The following MGST2 variants were observed in gnomAD, a reference collection of about 807,000 sequenced individuals.
The protein encoded by MGST2 is glutathione peroxidase MGST2.
A neutral mutation model predicts 16.6 loss-of-function variants in MGST2; 9 were observed. The ratio of observed to expected loss-of-function variants is 0.54; its 90% CI spans 0.33 to 0.95. The LOEUF is 0.95. Among genes scored for constraint, MGST2 ranks in the 40% least tolerant of loss-of-function variants. The probability of loss-of-function intolerance (pLI) is 0.03; values close to 1 mark genes in which losing one functional copy is unlikely to be tolerated. For missense variants in MGST2, 159 were observed against 175.1 expected, an observed-to-expected ratio of 0.91 and a Z score of 0.52; for synonymous variants, 79 against 68.0, an observed-to-expected ratio of 1.16 and a Z score of -0.79.
intron 3 of MGST2, among the ~76,000 whole-genome samples, chr4:139,702,844 G>GTTTTTTTTTTTTTTT (rs70943436): frequency 0.012 from 564 of 46,344 alleles, 37 homozygotes; most frequent in Non-Finnish European, 0.019. Flanking sequence ...TGTGTTACTG[G>GTTTTTTTTTTTTTTT]TTTTTTTTTT....
At chr4:139,710,814 C>A (rs1727709190) in intron 5 of MGST2, among the ~76,000 whole-genome samples, 1 of 152,100 alleles carries the variant, frequency 6.6e-6, no homozygotes, top group African/African-American at 2.4e-5. Flanking sequence ...CCTCTTAACC[C>A]AGTTTTGAAA....
intron 5 of MGST2, chr4:139,719,633 C>A: frequency 6.2e-7 from 1 of 1,612,296 alleles, no homozygotes; most frequent in Non-Finnish European, 8.5e-7. Flanking sequence ...GCCTTGCTGC[C>A]CCGGGAGCGA....
intron 5 of MGST2, among the ~76,000 whole-genome samples, chr4:139,738,531 C>T (rs538200562): frequency 4.6e-5 from 7 of 152,142 alleles, no homozygotes; most frequent in South Asian, 2.1e-4. Context: ...CACAATACAG[C>T]GACACTCTGT....
At chr4:139,683,269 T>C (rs949069266) in intron 2 of MGST2, among the ~76,000 whole-genome samples, 1 of 152,188 alleles carries the variant, frequency 6.6e-6, no homozygotes, top group Non-Finnish European at 1.5e-5. Flanking sequence ...GGATATATTT[T>C]GAGGGTAGAC....
At chr4:139,696,848 G>A (rs1726950045) in intron 3 of MGST2, among the ~76,000 whole-genome samples, 1 of 152,072 alleles carries the variant, frequency 6.6e-6, no homozygotes, top group Non-Finnish European at 1.5e-5. Context: ...CAACATTGAC[G>A]ATCATATCCA....
intron 1 of MGST2, among the ~76,000 whole-genome samples, chr4:139,674,239 G>C (rs571772603): frequency 6.6e-6 from 1 of 152,204 alleles, no homozygotes; most frequent in Non-Finnish European, 1.5e-5. Context: ...ATTCATTTAT[G>C]TCAGATGTAC....
At chr4:139,743,987 G>C (rs1729240418), downstream of MGST2, among the ~76,000 whole-genome samples, 1 of 152,192 alleles carries the variant, frequency 6.6e-6, no homozygotes, top group Non-Finnish European at 1.5e-5. Flanking sequence ...CATGGTCATT[G>C]TCACTAACAG....
Position 139,703,496 on chromosome 4 carries a change from C to A in MGST2, c.271C>A (p.His91Asn). ...GGGTCTGGTGTACATATATGGCCGTCACCTATACTTCTGGGGATATTCAGA... is the reference window on the plus strand; with the variant it reads ...GGGTCTGGTGTACATATATGGCCGTAACCTATACTTCTGGGGATATTCAGA... ...CLGLVYIYGR[H>N]LYFWGYSEAA... Residue 91 changes from histidine (H) to asparagine (N), a missense_variant, in exon 4 of 5, where the codon CAC (histidine) becomes AAC (asparagine). Physicochemically the swap from His to Asn is moderately conservative, Grantham distance 68. Transcript: ENST00000265498. 1 of 1,613,914 alleles carries A rather than the reference C, an allele frequency of 6.2e-7. No homozygotes were observed. The highest frequency in any genetic ancestry group is 8.5e-7 in the Non-Finnish European group (1 of 1,179,966).
chr4:139,748,075 AAG>A, the MGST2 span, among the ~76,000 whole-genome samples: 2 of 150,898 alleles, frequency 1.3e-5, no homozygotes, highest in Non-Finnish European at 1.5e-5. Context: ...AAAAAAAAAA[AAG>A]AATGCACATA....
chr4:139,688,008 C>T (rs568023970), intron 2 of MGST2, among the ~76,000 whole-genome samples: 3 of 152,212 alleles, frequency 2.0e-5, no homozygotes, highest in Non-Finnish European at 4.4e-5. Context: ...GCACCTTGAT[C>T]CCTTTAGAGT....
chr4:139,668,875 A>G (rs867071818), intron 1 of MGST2, among the ~76,000 whole-genome samples: 1 of 151,960 alleles, frequency 6.6e-6, no homozygotes, highest in African/African-American at 2.4e-5. Flanking sequence ...TTTGATAGGG[A>G]TATTTCTTCA....
intron 1 of MGST2, among the ~76,000 whole-genome samples, chr4:139,671,651 T>A (rs1016728873): frequency 6.6e-6 from 1 of 151,890 alleles, no homozygotes. Flanking sequence ...TTGTTCTTTT[T>A]GTTTTTTTGA....
At position 139,680,269 on chromosome 4, in the gene MGST2, G is replaced by A. The variant is rs144871724; in HGVS notation, c.158+1627G>A. On this transcript the variant is annotated intron_variant, in intron 2 of 4. Coordinates refer to ENST00000265498, the MANE Select transcript of MGST2 (RefSeq NM_002413.5). ...TTAAGAAAATAATGTTGAAAGCAGG[G>A]CCTTATAGTATACTGTGGTTACATT... Among the ~76,000 whole-genome samples, 289 of 152,200 alleles carry A rather than the reference G, an allele frequency of 1.9e-3. 1 individual carries two copies. Among genetic ancestry groups the A allele is most frequent in the African/African-American group, 6.6e-3 (274 of 41,504 alleles).
the MGST2 span, among the ~76,000 whole-genome samples, chr4:139,747,671 G>T: frequency 6.6e-6 from 1 of 151,762 alleles, no homozygotes; most frequent in South Asian, 2.1e-4. Flanking sequence ...TCCAGCCTGG[G>T]CAAGAGAGCA....
downstream of MGST2, among the ~76,000 whole-genome samples, chr4:139,741,161 C>A (rs1372676118): frequency 1.3e-5 from 2 of 152,096 alleles, no homozygotes; most frequent in African/African-American, 4.8e-5. Flanking sequence ...CAGGGAAAAA[C>A]AAGGAAGCAG....
chr4:139,739,377 ACATAGTTAC>A (rs1224133523), intron 5 of MGST2, among the ~76,000 whole-genome samples: 6 of 152,228 alleles, frequency 3.9e-5, no homozygotes, highest in Non-Finnish European at 2.9e-5. Flanking sequence ...AGTGCTTTGA[ACATAGTTAC>A]CATAAGTCCC....
intron 2 of MGST2, among the ~76,000 whole-genome samples, chr4:139,690,095 G>A (rs1215337002): frequency 5.9e-5 from 9 of 152,072 alleles, no homozygotes; most frequent in Admixed American, 2.6e-4. Flanking sequence ...GGGTTCAAGC[G>A]ATTCTTCTGC....
the MGST2 span, among the ~76,000 whole-genome samples, chr4:139,748,899 C>T: frequency 6.6e-6 from 1 of 152,264 alleles, no homozygotes; most frequent in East Asian, 1.9e-4. Flanking sequence ...CGAAGAGAGC[C>T]TCTCTTAGGG....
intron 5 of MGST2, among the ~76,000 whole-genome samples, chr4:139,726,480 AG>A (rs1018083510): frequency 6.6e-6 from 1 of 152,166 alleles, no homozygotes; most frequent in African/African-American, 2.4e-5. Context: ...TGCTGAGGGA[AG>A]GGGTTTTGAC....
Sources: gnomAD v4.1 joint callset for allele counts (sites outside exome capture counted in the v4.1 genomes callset) on GRCh38, gnomAD v4.1.1 for gene constraint, MANE v1.5 for transcripts, NCBI Gene and HGNC (gene_info 2026-07-23, HGNC 2026-07-21) for gene names.